LIPH: variants seen among roughly 807,000 people sequenced by gnomAD.
LIPH encodes lipase H, also known as lipase member H.
A neutral mutation model predicts 47.6 loss-of-function variants in LIPH; 32 were observed. The ratio of observed to expected loss-of-function variants is 0.67; its 90% CI spans 0.51 to 0.90. LIPH has a LOEUF of 0.90. Among genes scored for constraint, LIPH ranks in the 40% least tolerant of loss-of-function variants. LIPH has a pLI of 0.00. For missense variants in LIPH, 497 were observed against 541.4 expected (o/e 0.92, Z 0.81); for synonymous variants, 190 against 195.6 (o/e 0.97, Z 0.24).
intron 1 of LIPH, among the ~76,000 whole-genome samples, chr3:185,550,694 C>T (rs1431828587): frequency 6.6e-6 from 1 of 151,972 alleles, no homozygotes; most frequent in Admixed American, 6.6e-5. Context: ...CTCAGCCTCC[C>T]GAGTAGCTGG....
At chr3:185,537,164 C>T (rs1480699531) in intron 1 of LIPH, among the ~76,000 whole-genome samples, 4 of 152,172 alleles carry the variant, frequency 2.6e-5, no homozygotes, top group Non-Finnish European at 5.9e-5. Context: ...GGATTACAGG[C>T]GTGAGCCATC....
intron 4 of LIPH, 88 bp downstream of exon 4, chr3:185,527,396 T>C: frequency 1.1e-6 from 1 of 928,386 alleles, no homozygotes; most frequent in Non-Finnish European, 1.8e-6. Context: ...TAGAGGAACC[T>C]GATCTGCTCC....
rs565980022 is a variant in LIPH at position 185,527,499 on chromosome 3, G to A, written c.613C>T (p.His205Tyr). ...GGAGCGTTACCATCAGTGTCGGAAT[G>A]GATGACATCAACAAACTGCGCATCA... ...PSDAQFVDVI[H>Y]SDTDALGYKE... The change falls in exon 4 of 10, where the codon CAT (histidine) becomes TAT (tyrosine). Residue 205 changes from histidine to tyrosine, a missense_variant. Transcript: ENST00000296252. 1.9e-6 allele frequency: 3 copies of A among 1,611,698 alleles called. No individual in the cohort carries two copies. Among genetic ancestry groups the A allele is most frequent in the African/African-American group, 2.7e-5 (2 of 74,792 alleles).
chr3:185,511,441 A>C, intron 9 of LIPH, 83 bp downstream of exon 9: 1 of 1,233,074 alleles, frequency 8.1e-7, no homozygotes, highest in Non-Finnish European at 1.2e-6. Context: ...GAGTCTTATT[A>C]ACACATCAGA....
chr3:185,517,117 G>A lies in LIPH; in HGVS notation c.932C>T (p.Pro311Leu), dbSNP rs1332652502. 1.2e-6 allele frequency: 2 copies of A among 1,612,794 alleles called. No homozygotes were observed. The highest frequency in any genetic ancestry group is 2.7e-5 in the African/African-American group (2 of 74,918). The change falls in exon 7 of 10, where the codon CCT becomes CTT. Residue 311 changes from proline to leucine, a missense_variant. Physicochemically the swap from Pro to Leu is moderately conservative, Grantham distance 98. Coordinates refer to ENST00000296252, the MANE Select transcript of LIPH (RefSeq NM_139248.3). ...GTCAAAGAATGCCTTCGTCATTGGA[G>A]GATCTTTCCCCCTTAGATGGTCTTT... ...NWKDHLRGKD[P>L]PMTKAFFDTA... is the part of the protein sequence containing the mutation.
Position 185,507,505 on chromosome 3 carries a change from A to G in LIPH, c.*1285T>C, listed in dbSNP as rs1719417186. Reference sequence around the variant, plus strand: ...AGACCTTCCTGCAGTGGCCACAGCCATGGGACAGATCATGCCTCCCCTCAC... The same window carrying G: ...AGACCTTCCTGCAGTGGCCACAGCCGTGGGACAGATCATGCCTCCCCTCAC... On this transcript the variant is annotated 3_prime_UTR_variant, in exon 10 of 10. Coordinates refer to ENST00000296252, the MANE Select transcript of LIPH (RefSeq NM_139248.3). 1 of 152,250 alleles carries G rather than the reference A, an allele frequency of 6.6e-6. No individual in the cohort carries two copies. The highest frequency in any genetic ancestry group is 1.5e-5 in the Non-Finnish European group (1 of 68,082). 9.4% of individuals were successfully genotyped at this position (152,250 alleles called of 1,614,324 possible).
chr3:185,527,629 C>A, intron 3 of LIPH, 44 bp from the exon 4 acceptor site: 2 of 1,256,352 alleles, frequency 1.6e-6, no homozygotes, highest in East Asian at 2.3e-5. Context: ...CACCATGAGT[C>A]ACCTGCAGCC....
intron 8 of LIPH, 94 bp from the exon 9 acceptor site, chr3:185,511,791 A>G: frequency 1.2e-6 from 1 of 819,966 alleles, no homozygotes; most frequent in East Asian, 2.5e-5. Flanking sequence ...GCTGGTAACT[A>G]TTTCACCCCA....
chr3:185,539,127 C>T (rs925016709), intron 1 of LIPH, among the ~76,000 whole-genome samples: 2 of 151,638 alleles, frequency 1.3e-5, no homozygotes, highest in Non-Finnish European at 2.9e-5. Flanking sequence ...TGCCATCATG[C>T]CCAGCTAATT....
chr3:185,542,530 T>C (rs767543885), intron 1 of LIPH, among the ~76,000 whole-genome samples: 1 of 152,018 alleles, frequency 6.6e-6, no homozygotes, highest in Non-Finnish European at 1.5e-5. Flanking sequence ...TTGTCCACGC[T>C]GGTCTCGAAC....
At position 185,508,576 on chromosome 3, in the gene LIPH, T is replaced by A; in HGVS notation, c.*214A>T. ...GCTGCGCTGCTGCGAGCCTGGCTATTTCTGACTTGCCCTAGTTAGGGGCTC... is the reference window on the plus strand; with the variant it reads ...GCTGCGCTGCTGCGAGCCTGGCTATATCTGACTTGCCCTAGTTAGGGGCTC... On this transcript the variant is annotated 3_prime_UTR_variant, in exon 10 of 10. Coordinates refer to ENST00000296252, the MANE Select transcript of LIPH (RefSeq NM_139248.3). 1.7e-6 allele frequency: 1 copy of A among 573,296 alleles called. No homozygotes were observed. The allele number at this position is 573,296 out of a possible 1,614,324, so 35.5% of individuals were successfully genotyped here. A position where few individuals can be genotyped will look rare whatever the true frequency, so the allele number is the denominator to read the frequency against.
chr3:185,513,123 A>G (rs1388727641), intron 8 of LIPH, among the ~76,000 whole-genome samples: 1 of 152,064 alleles, frequency 6.6e-6, no homozygotes, highest in African/African-American at 2.4e-5. Flanking sequence ...CAGGCAGATC[A>G]CAAGGTCAAG....
intron 1 of LIPH, among the ~76,000 whole-genome samples, chr3:185,544,093 C>A (rs1720795735): frequency 6.6e-6 from 1 of 152,004 alleles, no homozygotes; most frequent in Non-Finnish European, 1.5e-5. Context: ...TCAGGTAATC[C>A]ACCTGCCTCC....
chr3:185,535,032 G>C lies in LIPH; in HGVS notation c.150C>G (p.Asn50Lys). The C allele has an allele frequency of 6.2e-7, 1 of 1,613,664 alleles. No homozygotes were observed. The highest frequency in any genetic ancestry group is 8.5e-7 in the Non-Finnish European group (1 of 1,179,778). ...AGTTGATGGTTTGTGCGCAGGTCAG[G>C]TTTTTCCTTGTGTAGAGCATCAGCC... The part of the protein sequence containing the change: ...NVRLMLYTRK[N>K]LTCAQTINSS... The change falls in exon 2 of 10, where the codon AAC becomes AAG. Residue 50 changes from asparagine (N) to lysine (K), a missense_variant. Asn to Lys is a moderately conservative substitution (Grantham distance 94). Transcript: ENST00000296252.
At chr3:185,545,481 C>T (rs1305733571) in intron 1 of LIPH, among the ~76,000 whole-genome samples, 2 of 152,198 alleles carry the variant, frequency 1.3e-5, no homozygotes, top group African/African-American at 4.8e-5. Context: ...CGGCTACTTT[C>T]CTGCTCTAAA....
intron 1 of LIPH, among the ~76,000 whole-genome samples, chr3:185,537,647 G>C (rs1209060969): frequency 6.6e-6 from 1 of 152,032 alleles, no homozygotes; most frequent in Non-Finnish European, 1.5e-5. Context: ...TTTTGTTCCT[G>C]GTTGTGCAAC....
intron 4 of LIPH, among the ~76,000 whole-genome samples, chr3:185,525,422 C>A (rs1220988778): frequency 6.6e-6 from 1 of 151,938 alleles, no homozygotes; most frequent in African/African-American, 2.4e-5. Flanking sequence ...TGTCTCTGGG[C>A]ATGGTACTAG....
rs1719437436 is a variant in LIPH, at chr3:185,508,097, C to T, written c.*693G>A. The T allele has an allele frequency of 6.5e-6, 1 of 153,038 alleles. No individual in the cohort carries two copies. Among genetic ancestry groups the T allele is most frequent in the African/African-American group, 2.4e-5 (1 of 41,444 alleles). The allele number at this position is 153,038 out of a possible 1,614,324, so 9.5% of individuals were successfully genotyped here. On this transcript the variant is annotated 3_prime_UTR_variant, in exon 10 of 10. Coordinates refer to ENST00000296252, the MANE Select transcript of LIPH (RefSeq NM_139248.3). ...TCCATCCCCATCTCCTCCAGCTCCT[C>T]CATGCTCCAACAGCACTTTAGAGAA... is the stretch of plus-strand genomic sequence containing the variant.
intron 4 of LIPH, among the ~76,000 whole-genome samples, chr3:185,525,760 C>G (rs985642124): frequency 6.6e-6 from 1 of 152,194 alleles, no homozygotes; most frequent in Non-Finnish European, 1.5e-5. Flanking sequence ...ATAAATTGCT[C>G]TATCCTACTC....
Sources: gnomAD v4.1 joint callset for allele counts (sites outside exome capture counted in the v4.1 genomes callset) on GRCh38, gnomAD v4.1.1 for gene constraint, MANE v1.5 for transcripts, NCBI Gene and HGNC (gene_info 2026-07-23, HGNC 2026-07-21) for gene names.